The following IQCJ variants were observed in gnomAD, a reference collection of about 807,000 sequenced individuals.
IQCJ encodes IQ domain-containing protein J.
IQCJ carries 9 observed loss-of-function variants against 11.0 expected under a neutral mutation model. The ratio of observed to expected loss-of-function variants is 0.82; its 90% confidence interval spans 0.49 to 1.43. The LOEUF (loss-of-function observed/expected upper bound fraction) is 1.43, where lower values mean the gene tolerates loss of function less well. IQCJ is among the 40% of genes most tolerant of loss of function. The probability of loss-of-function intolerance (pLI) is 0.00; values close to 1 mark genes in which losing one functional copy is unlikely to be tolerated. For synonymous variants in IQCJ, 55 were observed against 51.3 expected (o/e 1.07, Z -0.31); for missense variants, 146 against 133.2 (o/e 1.10, Z -0.47).
chr3:159,199,327 A>G (rs1724177021), intron 1 of IQCJ, among the ~76,000 whole-genome samples: 1 of 152,182 alleles, frequency 6.6e-6, no homozygotes, highest in Non-Finnish European at 1.5e-5. Flanking sequence ...GTTGAAGATG[A>G]TGCACTATTG....
Position 159,070,777 on chromosome 3 carries a change from C to T in IQCJ, c.9+1336C>T, listed in dbSNP as rs1023098077. Among the ~76,000 whole-genome samples the T allele has an allele frequency of 3.0e-4, 45 of 151,970 alleles. 2 individuals carry two copies. The South Asian group carries it at 6.0e-3, about 20-fold the overall frequency. On this transcript the variant is annotated intron_variant, in intron 1 of 3. Coordinates refer to ENST00000397832, the MANE Select transcript of IQCJ (RefSeq NM_001042706.3). Reference sequence around the variant, plus strand: ...TTCACAAGTAGGTTTTTTAAATGTACGTTGGGTAGTGATACTTGAAAATGG... The same window carrying T: ...TTCACAAGTAGGTTTTTTAAATGTATGTTGGGTAGTGATACTTGAAAATGG...
intron 1 of IQCJ, among the ~76,000 whole-genome samples, chr3:159,238,014 AGAG>A (rs1726691977): frequency 6.6e-6 from 1 of 152,192 alleles, no homozygotes; most frequent in South Asian, 2.1e-4. Flanking sequence ...GTGGCAGAGT[AGAG>A]GAGAAGCCAC....
chr3:159,265,868 G>A (rs535665895), downstream of IQCJ: 1 of 154,090 alleles, frequency 6.5e-6, no homozygotes, highest in East Asian at 1.9e-4. Context: ...CACTACACAG[G>A]AAATCAGCTC....
At chr3:159,174,578 T>C (rs1197733654) in intron 1 of IQCJ, among the ~76,000 whole-genome samples, 2 of 152,146 alleles carry the variant, frequency 1.3e-5, no homozygotes, top group Non-Finnish European at 2.9e-5. Context: ...TTCTTTTTGC[T>C]TCAAATATTT....
chr3:159,138,163 G>C (rs1342177238), intron 1 of IQCJ, among the ~76,000 whole-genome samples: 1 of 152,166 alleles, frequency 6.6e-6, no homozygotes, highest in African/African-American at 2.4e-5. Flanking sequence ...ACAGTTGGAG[G>C]CCTGTTCTTT....
At chr3:159,214,952 T>C (rs1725144456) in intron 1 of IQCJ, among the ~76,000 whole-genome samples, 1 of 152,198 alleles carries the variant, frequency 6.6e-6, no homozygotes, top group Non-Finnish European at 1.5e-5. Flanking sequence ...AGTCTGCTGT[T>C]AAAAGGTCAT....
chr3:159,116,402 A>C (rs544061539), intron 1 of IQCJ, among the ~76,000 whole-genome samples: 4 of 151,904 alleles, frequency 2.6e-5, no homozygotes, highest in Non-Finnish European at 4.4e-5. Flanking sequence ...TTTTTAAAAG[A>C]TCTTTGGAAG....
intron 1 of IQCJ, among the ~76,000 whole-genome samples, chr3:159,107,063 C>A (rs1718309003): frequency 6.6e-6 from 1 of 152,026 alleles, no homozygotes; most frequent in Non-Finnish European, 1.5e-5. Flanking sequence ...AGTTGTTATT[C>A]ATATTCAAAG....
rs115556451 is a variant in IQCJ, at chr3:159,128,592, A to G, written c.9+59151A>G. ...GCTGATACGCATGCCCCTCGTTTCT[A>G]GACTGACCTCCCCTCTGTGTAAAAT... On this transcript the variant is annotated intron_variant, in intron 1 of 3. Transcript: ENST00000397832. 9.5e-3 allele frequency among the ~76,000 whole-genome samples: 1,450 copies of G among 152,236 alleles called. 30 individuals are homozygous for G. Among genetic ancestry groups the G allele is most frequent in the African/African-American group, 0.033 (1,361 of 41,552 alleles).
chr3:159,184,149 C>T (rs1723254196), intron 1 of IQCJ, among the ~76,000 whole-genome samples: 1 of 152,002 alleles, frequency 6.6e-6, no homozygotes, highest in Admixed American at 6.6e-5. Context: ...CTCACCTCTC[C>T]ATCTTCATCT....
chr3:159,090,396 A>T lies in IQCJ; in HGVS notation c.9+20955A>T, dbSNP rs142543410. On this transcript the variant is annotated intron_variant, in intron 1 of 3. Coordinates refer to ENST00000397832, the MANE Select transcript of IQCJ (RefSeq NM_001042706.3). The stretch of plus-strand genomic sequence containing the variant: ...GCTCACGCTGGGAGCTGTAGACCGG[A>T]GCTGTTCCTATTTGGCCATCTTGGC... Among the ~76,000 whole-genome samples, 1,506 of 151,758 alleles carry T rather than the reference A, an allele frequency of 9.9e-3. 71 individuals are homozygous for T. Among genetic ancestry groups the T allele is most frequent in the African/African-American group, 0.035 (1,456 of 41,130 alleles).
At chr3:159,084,445 T>G (rs185002130) in intron 1 of IQCJ, among the ~76,000 whole-genome samples, 1 of 152,216 alleles carries the variant, frequency 6.6e-6, no homozygotes, top group Admixed American at 6.6e-5. Context: ...TTGATGAGCT[T>G]GCCCAGCGAG....
chr3:159,229,285 C>G (rs1441994383), intron 1 of IQCJ, among the ~76,000 whole-genome samples: 5 of 152,206 alleles, frequency 3.3e-5, no homozygotes, highest in East Asian at 3.9e-4. Flanking sequence ...TGGGTCCACT[C>G]TTAGCCTTTT....
chr3:159,091,715 C>T (rs1392573865), intron 1 of IQCJ, among the ~76,000 whole-genome samples: 3 of 146,334 alleles, frequency 2.1e-5, no homozygotes, highest in Admixed American at 1.4e-4. Context: ...CACACACACA[C>T]GGCAGCTTGA....
At chr3:159,112,504 T>C (rs1718691903) in intron 1 of IQCJ, among the ~76,000 whole-genome samples, 1 of 152,182 alleles carries the variant, frequency 6.6e-6, no homozygotes, top group Non-Finnish European at 1.5e-5. Flanking sequence ...CATATAGAAC[T>C]AATACATCCC....
intron 1 of IQCJ, among the ~76,000 whole-genome samples, chr3:159,208,452 C>CT (rs1375701888): frequency 2.0e-5 from 3 of 152,208 alleles, no homozygotes; most frequent in Non-Finnish European, 4.4e-5. Flanking sequence ...TACTGTTCTC[C>CT]TCTGAGATGA....
intron 1 of IQCJ, among the ~76,000 whole-genome samples, chr3:159,088,615 C>T (rs1716982049): frequency 6.6e-6 from 1 of 152,170 alleles, no homozygotes; most frequent in African/African-American, 2.4e-5. Flanking sequence ...GTATTGGGTG[C>T]ATATATATGC....
intron 1 of IQCJ, among the ~76,000 whole-genome samples, chr3:159,172,767 G>A (rs1021740792): frequency 6.6e-5 from 10 of 151,050 alleles, no homozygotes; most frequent in Admixed American, 1.3e-4. Flanking sequence ...AGCCAAAGGC[G>A]GGCGGGGGGG....
intron 1 of IQCJ, among the ~76,000 whole-genome samples, chr3:159,165,988 CT>C (rs1722145495): frequency 6.6e-6 from 1 of 151,850 alleles, no homozygotes; most frequent in Non-Finnish European, 1.5e-5. Flanking sequence ...TCTTTGGCAT[CT>C]TGCAAGTGCA....
Sources: allele counts gnomAD v4.1 joint callset (sites outside exome capture counted in the v4.1 genomes callset), GRCh38; gene constraint gnomAD v4.1.1; transcripts MANE v1.5; gene names NCBI Gene and HGNC (gene_info 2026-07-23, HGNC 2026-07-21).